Variants in BMPR1B observed in about 807,000 individuals in gnomAD.
BMPR1B encodes the protein bone morphogenetic protein receptor type-1B.
BMPR1B carries 12 observed loss-of-function variants against 59.1 expected under a neutral mutation model. The observed-to-expected ratio is 0.20, with a 90% CI of 0.13 to 0.33. BMPR1B has a LOEUF of 0.33. BMPR1B is among the 10% of genes least tolerant of loss of function. The pLI is 1.00. For synonymous variants in BMPR1B, 237 were observed against 207.3 expected, an observed-to-expected ratio of 1.14 and a Z score of -1.23; for missense variants, 550 against 610.9, an observed-to-expected ratio of 0.90 and a Z score of 1.05.
At chr4:95,009,306 A>G (rs2149121095) in intron 3 of BMPR1B, among the ~76,000 whole-genome samples, 1 of 152,316 alleles carries the variant, frequency 6.6e-6, no homozygotes, top group Non-Finnish European at 1.5e-5. Context: ...GCCTCAGGAA[A>G]TAGGTATGCA....
chr4:95,048,266 A>G (rs1284667680), intron 3 of BMPR1B, among the ~76,000 whole-genome samples: 2 of 152,072 alleles, frequency 1.3e-5, no homozygotes, highest in African/African-American at 2.4e-5. Context: ...ATAAGTGCCC[A>G]TGTCTTTTTG....
intron 1 of BMPR1B, among the ~76,000 whole-genome samples, chr4:94,766,609 T>C (rs2110563424): frequency 6.6e-6 from 1 of 152,088 alleles, no homozygotes; most frequent in African/African-American, 2.4e-5. Context: ...AGAATGTTCA[T>C]TGAAGTGAAC....
At position 95,075,442 on chromosome 4, in the gene BMPR1B, ATAGTAT is replaced by A. The variant is rs1261165810; in HGVS notation, c.-17-28960_-17-28955del. ...CATGTTGTATGTAGACGATATATTA[ATAGTAT>A]TAGTAGTATGATGCTAATGAAAGAA... On this transcript the variant is annotated intron_variant, in intron 3 of 12. Transcript: ENST00000515059. Among the ~76,000 whole-genome samples, 5 of 152,302 alleles carry A rather than the reference ATAGTAT, an allele frequency of 3.3e-5. No individual in the cohort carries two copies. The South Asian group carries it at 6.2e-4, about 19-fold the overall frequency.
intron 2 of BMPR1B, among the ~76,000 whole-genome samples, chr4:94,917,716 T>C (rs1228805005): frequency 6.6e-6 from 1 of 152,172 alleles, no homozygotes; most frequent in East Asian, 1.9e-4. Context: ...ATTTTTGAGT[T>C]AGTGCTGGAA....
In BMPR1B at chr4:95,139,736, TG is replaced by T. The variant is rs369234090; in HGVS notation, c.1076+8225del. On this transcript the variant is annotated intron_variant, in intron 10 of 12. Coordinates refer to ENST00000515059, the MANE Select transcript of BMPR1B (RefSeq NM_001203.3). ...GCCGGGCGTGGGACCCTCGGAGCCATGCGCGGGATATAATCTCCTGGTGTGC... is the reference window on the plus strand; with the variant it reads ...GCCGGGCGTGGGACCCTCGGAGCCATCGCGGGATATAATCTCCTGGTGTGC... Among the ~76,000 whole-genome samples the T allele has an allele frequency of 1.1e-4, 17 of 152,178 alleles. No individual in the cohort carries two copies. In the South Asian group the frequency reaches 2.9e-3, roughly 26 times the overall value.
rs778376263 is a variant in BMPR1B at position 95,125,028 on chromosome 4, A to G, written c.492A>G (p.Glu164=). 6.2e-6 allele frequency: 10 copies of G among 1,613,432 alleles called. No individual in the cohort carries two copies. Among genetic ancestry groups the G allele is most frequent in the Non-Finnish European group, 7.6e-6 (9 of 1,179,534 alleles). ...GACCTCGATACAGCATTGGGTTAGAACAGGATGAAACTTACATTCCTCCTG... is the reference window on the plus strand; with the variant it reads ...GACCTCGATACAGCATTGGGTTAGAGCAGGATGAAACTTACATTCCTCCTG... ...ETRPRYSIGL[E]QDETYIPPGE... Residue 164 remains glutamate, a synonymous_variant, in exon 8 of 13, where the codon GAA becomes GAG. Transcript: ENST00000515059.
At position 95,120,043 on chromosome 4, in the gene BMPR1B, C is replaced by T. The variant is rs550889924; in HGVS notation, c.350-3767C>T. On this transcript the variant is annotated intron_variant, in intron 6 of 12. Transcript: ENST00000515059. ...ATCTCCCCTCACCCCCGTTAATCCA[C>T]AGTGTCTGTTCTTGCCATGTTTATG... Among the ~76,000 whole-genome samples the T allele has an allele frequency of 3.3e-5, 5 of 152,258 alleles. No homozygotes were observed. In the East Asian group the frequency reaches 9.7e-4, roughly 29 times the overall value.
chr4:94,864,982 A>C (rs1273290739), intron 1 of BMPR1B, among the ~76,000 whole-genome samples: 2 of 152,034 alleles, frequency 1.3e-5, no homozygotes, highest in Admixed American at 1.3e-4. Context: ...TGATATATAG[A>C]TTTTTAATAA....
chr4:94,973,410 G>A (rs2149079217), intron 2 of BMPR1B, among the ~76,000 whole-genome samples: 1 of 152,254 alleles, frequency 6.6e-6, no homozygotes, highest in Non-Finnish European at 1.5e-5. Flanking sequence ...GCTGTCAGTG[G>A]GAAGAGAAGC....
chr4:95,153,684 A>G (rs541754500), intron 12 of BMPR1B, among the ~76,000 whole-genome samples: 57 of 152,278 alleles, frequency 3.7e-4, no homozygotes, highest in Non-Finnish European at 2.6e-4. Flanking sequence ...ACCCATCTCT[A>G]TTAAAAAATA....
At chr4:94,759,742 C>G (rs1250606074) in intron 1 of BMPR1B, among the ~76,000 whole-genome samples, 2 of 152,104 alleles carry the variant, frequency 1.3e-5, no homozygotes, top group Non-Finnish European at 2.9e-5. Flanking sequence ...TTTTGGAAAA[C>G]TTTCATTATA....
chr4:95,010,983 C>G (rs1164148145), intron 3 of BMPR1B, among the ~76,000 whole-genome samples: 2 of 152,150 alleles, frequency 1.3e-5, no homozygotes, highest in Admixed American at 1.3e-4. Context: ...GTAGAAAAAA[C>G]TAAAAGTTAT....
intron 1 of BMPR1B, among the ~76,000 whole-genome samples, chr4:94,814,910 A>AT (rs538063769): frequency 1.3e-4 from 19 of 149,500 alleles, no homozygotes; most frequent in South Asian, 6.4e-4. Flanking sequence ...CTTTTCCTTT[A>AT]TTTTTTTTTT....
At chr4:94,925,617 C>G (rs1728854598) in intron 2 of BMPR1B, among the ~76,000 whole-genome samples, 1 of 152,240 alleles carries the variant, frequency 6.6e-6, no homozygotes, top group East Asian at 1.9e-4. Context: ...CAACCAAGAG[C>G]ACATGCCTTA....
intron 2 of BMPR1B, among the ~76,000 whole-genome samples, chr4:94,899,108 G>A (rs1298665560): frequency 2.0e-5 from 3 of 151,832 alleles, no homozygotes; most frequent in Non-Finnish European, 4.4e-5. Context: ...CTTGGCTTGT[G>A]GTTTGCATCG....
intron 3 of BMPR1B, among the ~76,000 whole-genome samples, chr4:94,997,011 C>T (rs1361992383): frequency 1.3e-5 from 2 of 152,090 alleles, no homozygotes; most frequent in Non-Finnish European, 2.9e-5. Flanking sequence ...CTGGTTCTAG[C>T]TCATGAAATA....
At chr4:95,057,402 G>C (rs543524106) in intron 3 of BMPR1B, among the ~76,000 whole-genome samples, 7 of 151,936 alleles carry the variant, frequency 4.6e-5, no homozygotes, top group Non-Finnish European at 1.0e-4. Context: ...ACGCCACCAC[G>C]CCCAGCTATT....
chr4:95,024,517 T>A (rs992696255), intron 3 of BMPR1B, among the ~76,000 whole-genome samples: 6 of 152,154 alleles, frequency 3.9e-5, no homozygotes, highest in Non-Finnish European at 7.4e-5. Flanking sequence ...GAGAGTTACC[T>A]GACAAGGGCT....
chr4:94,865,320 T>C (rs1448342817), intron 1 of BMPR1B, among the ~76,000 whole-genome samples: 1 of 151,260 alleles, frequency 6.6e-6, no homozygotes, highest in Non-Finnish European at 1.5e-5. Flanking sequence ...AAAAAATAAA[T>C]GTATACTTTA....
Sources: allele counts gnomAD v4.1 joint callset (sites outside exome capture counted in the v4.1 genomes callset), GRCh38; gene constraint gnomAD v4.1.1; transcripts MANE v1.5; gene names NCBI Gene and HGNC (gene_info 2026-07-23, HGNC 2026-07-21).